The following VSTM2B variants were observed in gnomAD, a reference collection of about 807,000 sequenced individuals.
VSTM2B encodes the protein V-set and transmembrane domain-containing protein 2B.
Under a neutral mutation model 24.0 loss-of-function variants are expected in VSTM2B, and 24 were observed. The observed-to-expected ratio is 1.00, with a 90% CI of 0.72 to 1.40. The LOEUF (loss-of-function observed/expected upper bound fraction) is 1.40. Ranked by LOEUF, VSTM2B falls within the 40% of genes most tolerant of loss-of-function variation. The pLI, the probability that VSTM2B is intolerant of heterozygous loss-of-function variation, is 0.00. For synonymous variants in VSTM2B, 226 were observed against 194.4 expected, an observed-to-expected ratio of 1.16 and a Z score of -1.35; for missense variants, 399 against 416.4, an observed-to-expected ratio of 0.96 and a Z score of 0.36.
chr19:29,544,302 G>A (rs138384917), intron 4 of VSTM2B, among the ~76,000 whole-genome samples: 3,374 of 151,642 alleles, frequency 0.022, 130 homozygotes, highest in African/African-American at 0.076. Flanking sequence ...CGAGGCAGGC[G>A]GATCACGAGG....
rs148141498 is a variant in VSTM2B, at chr19:29,534,117, G to A, written c.769+3827G>A. ...CCAAGGTGTGGACAGGGTTAGGGCA[G>A]CCAACAAAGGATTGATGCAGGTCCC... On this transcript the variant is annotated intron_variant, in intron 4 of 4. Transcript: ENST00000335523. Among the ~76,000 whole-genome samples, 219 of 152,346 alleles carry A rather than the reference G, an allele frequency of 1.4e-3. 2 individuals are homozygous for A. Among genetic ancestry groups the A allele is most frequent in the Non-Finnish European group, 2.5e-3 (171 of 68,032 alleles).
At chr19:29,545,191 G>T (rs564290479) in intron 4 of VSTM2B, among the ~76,000 whole-genome samples, 3 of 152,058 alleles carry the variant, frequency 2.0e-5, no homozygotes, top group Non-Finnish European at 4.4e-5. Context: ...GTGGATTCAT[G>T]ATGGCACTGG....
chr19:29,561,237 G>C (rs553714562), intron 4 of VSTM2B, among the ~76,000 whole-genome samples: 4 of 150,878 alleles, frequency 2.7e-5, no homozygotes, highest in Non-Finnish European at 4.4e-5. Context: ...ACTTGAACCT[G>C]GGAGGCAGAG....
At chr19:29,532,374 G>A (rs534170468) in intron 4 of VSTM2B, among the ~76,000 whole-genome samples, 35 of 152,278 alleles carry the variant, frequency 2.3e-4, no homozygotes, top group Non-Finnish European at 3.2e-4. Flanking sequence ...GTGACTCTTC[G>A]AGGAGTTAGC....
Position 29,527,413 on chromosome 19 carries a change from C to A in VSTM2B, c.267+18C>A. The A allele has an allele frequency of 2.7e-6, 4 of 1,465,280 alleles. No individual in the cohort carries two copies. The highest frequency in any genetic ancestry group is 3.6e-6 in the Non-Finnish European group (4 of 1,115,768). 90.8% of individuals were successfully genotyped at this position (1,465,280 alleles called of 1,614,324 possible). ...GGAGCAAGGTAACCCGCCGCCCACG[C>A]GGTACCGGCGCGCGCCCGGCTCGCG... is the stretch of plus-strand genomic sequence containing the variant. On this transcript the variant is annotated intron_variant, in intron 2 of 4. Coordinates refer to ENST00000335523, the MANE Select transcript of VSTM2B (RefSeq NM_001146339.2).
Position 29,530,053 on chromosome 19 carries a change from A to C in VSTM2B, c.532A>C (p.Ser178Arg). ...SSGPRRHGPA[S>R]AANANNAGAA... ...CGGCCCGCGTCGCCACGGCCCAGCCAGCGCCGCCAACGCCAACAACGCGGG... is the reference window on the plus strand; with the variant it reads ...CGGCCCGCGTCGCCACGGCCCAGCCCGCGCCGCCAACGCCAACAACGCGGG... The change falls in exon 4 of 5, where the codon AGC becomes CGC. Residue 178 changes from serine (S) to arginine (R), a missense_variant. Physicochemically the swap from Ser to Arg is moderately radical, Grantham distance 110. Coordinates refer to ENST00000335523, the MANE Select transcript of VSTM2B (RefSeq NM_001146339.2). 1 of 1,516,934 alleles carries C rather than the reference A, an allele frequency of 6.6e-7. No homozygotes were observed. The highest frequency in any genetic ancestry group is 8.8e-7 in the Non-Finnish European group (1 of 1,139,250). The allele number at this position is 1,516,934 out of a possible 1,614,324, so 94.0% of individuals were successfully genotyped here.
chr19:29,535,185 C>T (rs565497659), intron 4 of VSTM2B, among the ~76,000 whole-genome samples: 1 of 152,212 alleles, frequency 6.6e-6, no homozygotes, highest in Non-Finnish European at 1.5e-5. Flanking sequence ...CCTAATTAAT[C>T]TGAATGCTGA....
Position 29,557,674 on chromosome 19 carries a change from G to A in VSTM2B, c.770-6172G>A, listed in dbSNP as rs547015132. ...AGATGGTGCCATTGCACTCCAGCCT[G>A]GGCAACAAGAGCAAAACTCCATCTC... On this transcript the variant is annotated intron_variant, in intron 4 of 4. Transcript: ENST00000335523. 1.8e-4 allele frequency among the ~76,000 whole-genome samples: 28 copies of A among 151,444 alleles called. No individual in the cohort carries two copies. The South Asian group carries it at 2.3e-3, about 12-fold the overall frequency.
intron 4 of VSTM2B, among the ~76,000 whole-genome samples, chr19:29,557,162 TG>T (rs1970428825): frequency 6.7e-6 from 1 of 149,804 alleles, no homozygotes; most frequent in South Asian, 2.1e-4. Context: ...CCAAACAGCA[TG>T]GTACAAAAAC....
At chr19:29,542,241 T>A (rs1294092867) in intron 4 of VSTM2B, among the ~76,000 whole-genome samples, 1 of 151,236 alleles carries the variant, frequency 6.6e-6, no homozygotes, top group Non-Finnish European at 1.5e-5. Context: ...AATGCATAGA[T>A]ACAAGGATGA....
intron 4 of VSTM2B, among the ~76,000 whole-genome samples, chr19:29,532,946 C>T (rs575661143): frequency 2.6e-5 from 4 of 152,278 alleles, no homozygotes; most frequent in Middle Eastern, 3.4e-3. Flanking sequence ...TGAGCGCACT[C>T]CTGCTTGAAT....
At chr19:29,549,525 A>G (rs12972771) in intron 4 of VSTM2B, among the ~76,000 whole-genome samples, 21 of 32,644 alleles carry the variant, frequency 6.4e-4, no homozygotes, top group Admixed American at 1.4e-3. Context: ...GCCCCAGGAG[A>G]ACCCTGATGC....
chr19:29,560,650 G>A (rs7254225), intron 4 of VSTM2B, among the ~76,000 whole-genome samples: 12,456 of 152,274 alleles, frequency 0.082, 597 homozygotes, highest in East Asian at 0.16. Context: ...CACTGCCACT[G>A]TAGCCCCCAC....
chr19:29,538,808 C>T (rs1302118057), intron 4 of VSTM2B, among the ~76,000 whole-genome samples: 5 of 151,990 alleles, frequency 3.3e-5, no homozygotes, highest in African/African-American at 2.4e-5. Flanking sequence ...AGGAACTCAC[C>T]CATTACCTCA....
chr19:29,527,207 C>T lies in VSTM2B; in HGVS notation c.83-4C>T. ...CACGCCTCTCTCTCTCTCCCCACCC[C>T]CAGCTGCATTCACAGAAGTCCCCAA... is the stretch of plus-strand genomic sequence containing the variant. On this transcript the variant is annotated splice_region_variant and splice_polypyrimidine_tract_variant and intron_variant, in intron 1 of 4. Transcript: ENST00000335523. 1 of 1,547,636 alleles carries T rather than the reference C, an allele frequency of 6.5e-7. No individual in the cohort carries two copies. Among genetic ancestry groups the T allele is most frequent in the Non-Finnish European group, 8.7e-7 (1 of 1,145,442 alleles).
Position 29,526,118 on chromosome 19 carries a change from C to A in VSTM2B, c.-466C>A, listed in dbSNP as rs1270290522. Among the ~76,000 whole-genome samples the A allele has an allele frequency of 6.6e-6, 1 of 151,630 alleles. No homozygotes were observed. Reference sequence around the variant, plus strand: ...CCCTGCGGAAAGAGCCGCGGAGGAACCGGCGGGGGCGGCTGCGGGAGCCGA... The same window carrying A: ...CCCTGCGGAAAGAGCCGCGGAGGAAACGGCGGGGGCGGCTGCGGGAGCCGA... On this transcript the variant is annotated 5_prime_UTR_variant, in exon 1 of 5. Coordinates refer to ENST00000335523, the MANE Select transcript of VSTM2B (RefSeq NM_001146339.2). This position sits in a 1 kb window ranked among gnomAD's most constrained non-coding sequence, Gnocchi z 4.1.
intron 4 of VSTM2B, among the ~76,000 whole-genome samples, chr19:29,557,596 C>T (rs998738712): frequency 7.9e-5 from 12 of 151,474 alleles, no homozygotes; most frequent in East Asian, 3.9e-4. Flanking sequence ...CTACTCAGGG[C>T]GCTGAGGCAG....
At chr19:29,563,797 G>A in intron 4 of VSTM2B, 49 bp from the exon 5 acceptor site, 1 of 1,513,832 alleles carries the variant, frequency 6.6e-7, no homozygotes, top group Non-Finnish European at 9.0e-7. Flanking sequence ...GAGCTCCTAG[G>A]TTCTTGAGAC....
intron 2 of VSTM2B, 46 bp downstream of exon 2, chr19:29,527,441 C>G: frequency 1.2e-5 from 17 of 1,411,170 alleles, no homozygotes; most frequent in Non-Finnish European, 1.6e-5. Context: ...GGCTCGCGCC[C>G]GGGGCGGCGA....
Sources: allele counts gnomAD v4.1 joint callset (sites outside exome capture counted in the v4.1 genomes callset), GRCh38; gene constraint gnomAD v4.1.1; non-coding constraint Gnocchi (gnomAD v3.1); transcripts MANE v1.5; gene names NCBI Gene and HGNC (gene_info 2026-07-23, HGNC 2026-07-21).